The following FGF18 variants were observed in gnomAD, a reference collection of about 807,000 sequenced individuals.
FGF18 encodes fibroblast growth factor 18.
In FGF18, 5 loss-of-function variants were observed where a neutral mutation model predicts 23.0. The ratio of observed to expected loss-of-function variants is 0.22; its 90% CI spans 0.11 to 0.46. FGF18 has a LOEUF of 0.46. Ranked by LOEUF, FGF18 falls within the 20% of genes least tolerant of loss-of-function variation. The probability of loss-of-function intolerance (pLI) is 0.99; values close to 1 mark genes in which losing one functional copy is unlikely to be tolerated. For missense variants in FGF18, 180 were observed against 291.6 expected (o/e 0.62, Z 2.79); for synonymous variants, 117 against 118.9 (o/e 0.98, Z 0.10).
chr5:171,443,917 G>A (rs369761959), intron 3 of FGF18, among the ~76,000 whole-genome samples: 40 of 151,844 alleles, frequency 2.6e-4, no homozygotes, highest in East Asian at 2.5e-3. Flanking sequence ...CCTTCCTTCC[G>A]GGGCAGCTGT....
rs1772594829 is a variant in FGF18 at position 171,456,980 on chromosome 5, T to C, written c.*175T>C. The C allele has an allele frequency of 9.9e-6, 8 of 807,726 alleles. No homozygotes were observed. In the South Asian group the frequency reaches 1.5e-4, roughly 15 times the overall value. 50.0% of individuals were successfully genotyped at this position (807,726 alleles called of 1,614,324 possible). A position where few individuals can be genotyped will look rare whatever the true frequency, so the allele number is the denominator to read the frequency against. ...TTGGGGGGAGGGGTGATAAGGATTT[T>C]ATTGTTGACTTGAAACCCCCGATGA... On this transcript the variant is annotated 3_prime_UTR_variant, in exon 5 of 5. Coordinates refer to ENST00000274625, the MANE Select transcript of FGF18 (RefSeq NM_003862.3). This position sits in a 1 kb window ranked among gnomAD's most constrained non-coding sequence, Gnocchi z 6.1.
At chr5:171,449,524 T>G (rs890431790) in intron 4 of FGF18, among the ~76,000 whole-genome samples, 1 of 151,980 alleles carries the variant, frequency 6.6e-6, no homozygotes, top group Non-Finnish European at 1.5e-5. Flanking sequence ...GAGGTATCCA[T>G]GGCTGTGTCT....
intron 2 of FGF18, among the ~76,000 whole-genome samples, chr5:171,424,524 A>G (rs914795858): frequency 3.3e-5 from 5 of 152,360 alleles, no homozygotes; most frequent in Middle Eastern, 3.4e-3. Flanking sequence ...GCTGGATTCA[A>G]GATCTTGTAT....
rs1020903191 is a variant in FGF18, at chr5:171,440,634, T to G, written c.250+4361T>G. On this transcript the variant is annotated intron_variant, in intron 3 of 4. Transcript: ENST00000274625. The surrounding 1 kb of genome is among the most constrained non-coding windows in gnomAD (Gnocchi z 4.0). ...CTAGGCTGTGAACTTCCCACGTGAC[T>G]GTGAGCCCACCCATTCTCTCCCTGA... is the stretch of plus-strand genomic sequence containing the variant. Among the ~76,000 whole-genome samples the G allele has an allele frequency of 1.3e-5, 2 of 152,172 alleles. No homozygotes were observed. Among genetic ancestry groups the G allele is most frequent in the Non-Finnish European group, 2.9e-5 (2 of 68,018 alleles).
chr5:171,419,827 C>G lies in FGF18; in HGVS notation c.-373C>G, dbSNP rs1011322180. ...GGAGAGCGCAACTCGGCTTCCAGAC[C>G]CGCCGCGCATGCTGTCCCCGGACTG... On this transcript the variant is annotated 5_prime_UTR_variant, in exon 1 of 5. Coordinates refer to ENST00000274625, the MANE Select transcript of FGF18 (RefSeq NM_003862.3). The G allele has an allele frequency of 6.6e-6, 1 of 152,208 alleles. No individual in the cohort carries two copies. Among genetic ancestry groups the G allele is most frequent in the African/African-American group, 2.4e-5 (1 of 41,374 alleles). The allele number at this position is 152,208 out of a possible 1,614,324, so 9.4% of individuals were successfully genotyped here.
chr5:171,437,451 C>A (rs753845440), intron 3 of FGF18, among the ~76,000 whole-genome samples: 4 of 152,214 alleles, frequency 2.6e-5, no homozygotes, highest in Non-Finnish European at 5.9e-5. Context: ...GGCCAGCTGC[C>A]TCCCTTCTCC....
In FGF18 at chr5:171,420,127, C is replaced by G; in HGVS notation, c.-73C>G. 7.8e-7 allele frequency: 1 copy of G among 1,273,928 alleles called. No homozygotes were observed. The highest frequency in any genetic ancestry group is 9.9e-7 in the Non-Finnish European group (1 of 1,006,716). 78.9% of individuals were successfully genotyped at this position (1,273,928 alleles called of 1,614,324 possible). On this transcript the variant is annotated 5_prime_UTR_variant, in exon 1 of 5. Coordinates refer to ENST00000274625, the MANE Select transcript of FGF18 (RefSeq NM_003862.3). ...GCGGCGGCGGCGGCGGCGGCGGAGG[C>G]GCCCGGTCCCGGCCGCGCGGAGCGG...
At chr5:171,444,685 C>G (rs1218404843) in intron 3 of FGF18, among the ~76,000 whole-genome samples, 1 of 152,018 alleles carries the variant, frequency 6.6e-6, no homozygotes, top group Non-Finnish European at 1.5e-5. Flanking sequence ...AGGGCACTGA[C>G]CATGGAATCA....
At chr5:171,427,914 T>G (rs1772120770) in intron 2 of FGF18, among the ~76,000 whole-genome samples, 1 of 152,146 alleles carries the variant, frequency 6.6e-6, no homozygotes, top group African/African-American at 2.4e-5. Context: ...CCCAGCACGC[T>G]TCAGTTGGCC....
At chr5:171,446,359 C>T (rs186908359) in intron 3 of FGF18, among the ~76,000 whole-genome samples, 210 of 152,202 alleles carry the variant, frequency 1.4e-3, no homozygotes, top group African/African-American at 5.0e-3. Context: ...GCCTGTCCCT[C>T]CAGACCTGGG....
Position 171,456,404 on chromosome 5 carries a change from T to TC in FGF18, c.358-130dup. ...TATTCAGAGTTAAGCTCAATCTCTCTCCCCCACTGCAAAACTTCATTACAG... is the reference window on the plus strand; with the variant it reads ...TATTCAGAGTTAAGCTCAATCTCTCTCCCCCCACTGCAAAACTTCATTACAG... On this transcript the variant is annotated intron_variant, in intron 4 of 4. Coordinates refer to ENST00000274625, the MANE Select transcript of FGF18 (RefSeq NM_003862.3). This position sits in a 1 kb window ranked among gnomAD's most constrained non-coding sequence, Gnocchi z 6.1. The TC allele has an allele frequency of 1.2e-6, 1 of 812,912 alleles. No homozygotes were observed. The highest frequency in any genetic ancestry group is 1.8e-5 in the South Asian group (1 of 55,346). 50.4% of individuals were successfully genotyped at this position (812,912 alleles called of 1,614,324 possible).
At chr5:171,432,767 T>C (rs923876112) in intron 2 of FGF18, among the ~76,000 whole-genome samples, 2 of 152,232 alleles carry the variant, frequency 1.3e-5, no homozygotes, top group Admixed American at 6.5e-5. Flanking sequence ...GGGTAGTCAG[T>C]TGCCTTAACA....
In FGF18 at chr5:171,444,130, T is replaced by A. The variant is rs543451982; in HGVS notation, c.251-5017T>A. 8.5e-5 allele frequency among the ~76,000 whole-genome samples: 13 copies of A among 152,312 alleles called. 1 individual carries two copies. The South Asian group carries it at 2.5e-3, about 29-fold the overall frequency. Reference sequence around the variant, plus strand: ...GACTCCCTCCTTCCTCAAAGTCATTTGGAAGTGGAGCTGAGGGAAGGTGGA... The same window carrying A: ...GACTCCCTCCTTCCTCAAAGTCATTAGGAAGTGGAGCTGAGGGAAGGTGGA... On this transcript the variant is annotated intron_variant, in intron 3 of 4. Transcript: ENST00000274625.
chr5:171,433,604 G>T (rs1772209893), intron 2 of FGF18, among the ~76,000 whole-genome samples: 1 of 152,158 alleles, frequency 6.6e-6, no homozygotes, highest in Non-Finnish European at 1.5e-5. Context: ...ATCAGACCCG[G>T]GCTGTGAGTG....
intron 3 of FGF18, among the ~76,000 whole-genome samples, chr5:171,447,175 G>A (rs1314143836): frequency 6.6e-6 from 1 of 152,126 alleles, no homozygotes; most frequent in Non-Finnish European, 1.5e-5. Flanking sequence ...GAAACTGAGG[G>A]CCACAGTCAT....
chr5:171,444,539 C>G (rs1772390440), intron 3 of FGF18, among the ~76,000 whole-genome samples: 2 of 151,138 alleles, frequency 1.3e-5, no homozygotes, highest in Admixed American at 1.3e-4. Flanking sequence ...TGAAAGAGGC[C>G]TCAGAGGTTA....
chr5:171,441,399 G>A (rs913357811), intron 3 of FGF18, among the ~76,000 whole-genome samples: 5 of 152,268 alleles, frequency 3.3e-5, no homozygotes, highest in African/African-American at 1.2e-4. Context: ...CTCTGCCTCT[G>A]CTCCTTGCTT....
chr5:171,442,379 G>T (rs536304622), intron 3 of FGF18, among the ~76,000 whole-genome samples: 6 of 152,326 alleles, frequency 3.9e-5, no homozygotes, highest in African/African-American at 1.4e-4. Flanking sequence ...AGTGGGGAAG[G>T]AGGGAGGGCT....
chr5:171,436,162 G>A lies in FGF18; in HGVS notation c.139G>A (p.Val47Met), dbSNP rs1439909760. 6.2e-7 allele frequency: 1 copy of A among 1,605,428 alleles called. No homozygotes were observed. Among genetic ancestry groups the A allele is most frequent in the Non-Finnish European group, 8.5e-7 (1 of 1,174,842 alleles). Residue 47 changes from valine (V) to methionine (M), a missense_variant, in exon 3 of 5, where the codon GTG becomes ATG. Val to Met is a conservative substitution (Grantham distance 21). This residue lies in a region of FGF18 where 83 missense variants were observed against 190.4 expected (regional missense o/e 0.44). Coordinates refer to ENST00000274625, the MANE Select transcript of FGF18 (RefSeq NM_003862.3). The surrounding 1 kb of genome is among the most constrained non-coding windows in gnomAD (Gnocchi z 4.4). ...GAACCAGACGCGGGCTCGGGACGAT[G>A]TGAGCCGTAAGCAGCTGCGGCTGTA... ...VENQTRARDD[V>M]SRKQLRLYQL...
Sources: gnomAD v4.1 joint callset for allele counts (sites outside exome capture counted in the v4.1 genomes callset) on GRCh38, gnomAD v4.1.1 for gene constraint, gnomAD v4.1.1 regional missense constraint, Gnocchi (gnomAD v3.1) non-coding constraint, MANE v1.5 for transcripts, NCBI Gene and HGNC (gene_info 2026-07-23, HGNC 2026-07-21) for gene names.